NTRK3: variants seen among roughly 807,000 people sequenced by gnomAD.
NTRK3 encodes the protein neurotrophic receptor tyrosine kinase 3.
In NTRK3, 24 loss-of-function variants were observed where a neutral mutation model predicts 91.7. The observed-to-expected ratio is 0.26, with a 90% CI of 0.19 to 0.37. The LOEUF (loss-of-function observed/expected upper bound fraction) is 0.37, where lower values mean the gene tolerates loss of function less well. Ranked by LOEUF, NTRK3 falls within the 10% of genes least tolerant of loss-of-function variation. The pLI is 1.00. For synonymous variants in NTRK3, 483 were observed against 404.0 expected (o/e 1.20, Z -2.34); for missense variants, 880 against 1,068.9 (o/e 0.82, Z 2.46).
chr15:88,109,627 A>G (rs1175286059), intron 13 of NTRK3, among the ~76,000 whole-genome samples: 1 of 151,776 alleles, frequency 6.6e-6, no homozygotes, highest in Admixed American at 6.6e-5. Context: ...TGGCAGAAAG[A>G]GGTGGGGGGC....
chr15:88,252,553 C>T (rs565930306), intron 3 of NTRK3: 1 of 152,606 alleles, frequency 6.6e-6, no homozygotes, highest in East Asian at 1.9e-4. Context: ...TCTCCCACTT[C>T]ATCTTCTTTC....
At chr15:88,148,077 G>A (rs1261550425) in intron 5 of NTRK3, among the ~76,000 whole-genome samples, 2 of 152,246 alleles carry the variant, frequency 1.3e-5, no homozygotes, top group African/African-American at 4.8e-5. Context: ...GACACTGCTA[G>A]AATTGAAGTG....
At chr15:88,187,827 A>T (rs1473546346) in intron 3 of NTRK3, among the ~76,000 whole-genome samples, 3 of 151,822 alleles carry the variant, frequency 2.0e-5, no homozygotes, top group Non-Finnish European at 4.4e-5. Context: ...CCAACTACTC[A>T]GGAGGCTGAG....
intron 14 of NTRK3, among the ~76,000 whole-genome samples, chr15:87,952,042 G>C (rs1035094851): frequency 6.6e-6 from 1 of 152,066 alleles, no homozygotes; most frequent in Admixed American, 6.5e-5. Context: ...TGGGAGAATC[G>C]CTTGAACTTG....
chr15:88,062,586 T>C (rs965756728), intron 13 of NTRK3, among the ~76,000 whole-genome samples: 4 of 152,198 alleles, frequency 2.6e-5, no homozygotes, highest in Admixed American at 1.3e-4. Flanking sequence ...AAGGTAAAGA[T>C]GGCAGAGCCC....
intron 14 of NTRK3, among the ~76,000 whole-genome samples, chr15:87,962,138 T>G (rs1228504400): frequency 6.6e-6 from 1 of 152,202 alleles, no homozygotes; most frequent in African/African-American, 2.4e-5. Flanking sequence ...ACAATGCTCC[T>G]CCCACACCCA....
intron 14 of NTRK3, among the ~76,000 whole-genome samples, chr15:87,965,615 T>G (rs1172737430): frequency 6.6e-6 from 1 of 152,226 alleles, no homozygotes; most frequent in Non-Finnish European, 1.5e-5. Flanking sequence ...CAAAGGACCG[T>G]GGTGTTTATT....
chr15:87,882,864 A>C (rs1567066698), intron 17 of NTRK3, among the ~76,000 whole-genome samples: 1 of 152,112 alleles, frequency 6.6e-6, no homozygotes, highest in Non-Finnish European at 1.5e-5. Context: ...TAGGATAATG[A>C]TGACTAAAAA....
At chr15:88,114,170 G>A (rs1317230955) in intron 13 of NTRK3, among the ~76,000 whole-genome samples, 1 of 152,170 alleles carries the variant, frequency 6.6e-6, no homozygotes, top group African/African-American at 2.4e-5. Flanking sequence ...ATCCTGGGTG[G>A]GGGAATGAGT....
chr15:87,860,463 T>A (rs1183672145), exon 19 of NTRK3: 2 of 211,490 alleles, frequency 9.5e-6, no homozygotes, highest in African/African-American at 4.6e-5. Flanking sequence ...CCTGTGGCCA[T>A]CTTATCAAGT....
exon 19 of NTRK3, chr15:87,870,264 T>C (rs1474085393): frequency 1.6e-5 from 3 of 186,384 alleles, no homozygotes; most frequent in East Asian, 1.7e-4. Flanking sequence ...TAAAAAGGAA[T>C]GAATTAATGG....
chr15:88,063,461 CAGG>C (rs1481365675), intron 13 of NTRK3, among the ~76,000 whole-genome samples: 2 of 152,228 alleles, frequency 1.3e-5, no homozygotes, highest in Non-Finnish European at 2.9e-5. Flanking sequence ...CCACTTTTCT[CAGG>C]AGGCCTTTGT....
intron 13 of NTRK3, among the ~76,000 whole-genome samples, chr15:88,092,111 T>C (rs113478045): frequency 0.022 from 3,361 of 150,430 alleles, 122 homozygotes; most frequent in East Asian, 0.16. Context: ...AAAGCACAGG[T>C]TCTTGAGCAG....
At chr15:88,117,835 A>G (rs2052270598) in intron 13 of NTRK3, among the ~76,000 whole-genome samples, 1 of 152,226 alleles carries the variant, frequency 6.6e-6, no homozygotes, top group African/African-American at 2.4e-5. Context: ...AGGGAGTGTT[A>G]TTAACCCTTC....
intron 5 of NTRK3, among the ~76,000 whole-genome samples, chr15:88,167,768 C>A (rs189892369): frequency 2.0e-5 from 3 of 152,082 alleles, no homozygotes; most frequent in Non-Finnish European, 2.9e-5. Context: ...ACTTCACAGA[C>A]GCTTTGGGAG....
chr15:87,919,795 CT>C (rs1453362302), intron 17 of NTRK3, among the ~76,000 whole-genome samples: 3 of 152,132 alleles, frequency 2.0e-5, no homozygotes, highest in African/African-American at 7.2e-5. Context: ...GAAGAGTCTG[CT>C]TCAAAACTGG....
chr15:87,963,188 T>C (rs1472459512), intron 14 of NTRK3, among the ~76,000 whole-genome samples: 1 of 152,044 alleles, frequency 6.6e-6, no homozygotes, highest in Non-Finnish European at 1.5e-5. Context: ...TCATCAGAGG[T>C]AGCAATGCAG....
At chr15:88,078,903 T>C (rs2047796223) in intron 13 of NTRK3, among the ~76,000 whole-genome samples, 2 of 152,076 alleles carry the variant, frequency 1.3e-5, no homozygotes, top group South Asian at 4.2e-4. Context: ...GGGGCTTAGG[T>C]CAGGAGGTGT....
chr15:87,879,754 T>G (rs569766235), intron 18 of NTRK3, among the ~76,000 whole-genome samples: 72 of 152,254 alleles, frequency 4.7e-4, no homozygotes, highest in African/African-American at 1.7e-3. Context: ...CTAATAAACA[T>G]AGTAAAAACA....
Sources: allele counts gnomAD v4.1 joint callset (sites outside exome capture counted in the v4.1 genomes callset), GRCh38; gene constraint gnomAD v4.1.1; transcripts MANE v1.5; gene names NCBI Gene and HGNC (gene_info 2026-07-23, HGNC 2026-07-21).